MAPK10: variants seen among roughly 807,000 people sequenced by gnomAD.
MAPK10 encodes the protein mitogen-activated protein kinase 10.
MAPK10 carries 25 observed loss-of-function variants against 59.3 expected under a neutral mutation model. The ratio of observed to expected loss-of-function variants is 0.42; its 90% CI spans 0.31 to 0.59. The LOEUF (loss-of-function observed/expected upper bound fraction) is 0.59. Ranked by LOEUF, MAPK10 falls within the 20% of genes least tolerant of loss-of-function variation. The probability of loss-of-function intolerance (pLI) is 0.15; values close to 1 mark genes in which losing one functional copy is unlikely to be tolerated. For missense variants in MAPK10, 351 were observed against 568.9 expected (o/e 0.62, Z 3.90); for synonymous variants, 190 against 200.5 (o/e 0.95, Z 0.44).
upstream of MAPK10, among the ~76,000 whole-genome samples, chr4:86,363,928 G>A (rs545010580): frequency 1.2e-4 from 18 of 151,996 alleles, no homozygotes; most frequent in African/African-American, 2.7e-4. Flanking sequence ...GACTACAGGT[G>A]CCTGCCACTC....
rs979437444 is a variant in MAPK10 at position 86,344,292 on chromosome 4, A to C, written c.-7+10238T>G. 8.5e-5 allele frequency among the ~76,000 whole-genome samples: 13 copies of C among 152,104 alleles called. 1 individual carries two copies. Among genetic ancestry groups the C allele is most frequent in the Non-Finnish European group, 2.9e-5 (2 of 68,012 alleles). On this transcript the variant is annotated intron_variant, in intron 2 of 13. Coordinates refer to ENST00000641462, the MANE Select transcript of MAPK10 (RefSeq NM_138982.4). The stretch of plus-strand genomic sequence containing the variant: ...TAGGCACATGTCACCACACTCTGCT[A>C]ATTTTTTCGTAGAGTCAGTGTCTTG...
chr4:86,157,038 A>G (rs771749367), intron 4 of MAPK10, among the ~76,000 whole-genome samples: 5 of 152,054 alleles, frequency 3.3e-5, no homozygotes, highest in Non-Finnish European at 7.4e-5. Flanking sequence ...AATCATGCTC[A>G]ACATTGACAT....
At chr4:86,554,743 G>T (rs1258615923) in intron 1 of MAPK10, among the ~76,000 whole-genome samples, 1 of 151,972 alleles carries the variant, frequency 6.6e-6, no homozygotes, top group African/African-American at 2.4e-5. Context: ...AAACAAATAT[G>T]ATTACACCCT....
intron 1 of MAPK10, among the ~76,000 whole-genome samples, chr4:86,578,320 A>G (rs1762040581): frequency 6.6e-6 from 1 of 152,200 alleles, no homozygotes; most frequent in African/African-American, 2.4e-5. Context: ...TTGGTTAAGA[A>G]ATAATATCCA....
At chr4:86,566,842 G>A (rs1027498596) in intron 1 of MAPK10, among the ~76,000 whole-genome samples, 1 of 152,130 alleles carries the variant, frequency 6.6e-6, no homozygotes, top group African/African-American at 2.4e-5. Flanking sequence ...GGTCAAGGCT[G>A]GAGAATCACT....
At chr4:86,202,365 C>T (rs2082826286) in intron 2 of MAPK10, among the ~76,000 whole-genome samples, 1 of 151,786 alleles carries the variant, frequency 6.6e-6, no homozygotes, top group Admixed American at 6.6e-5. Flanking sequence ...TGTAACCATT[C>T]ATTTGTATGT....
intron 10 of MAPK10, chr4:86,064,636 C>T (rs2046371054): frequency 8.8e-6 from 4 of 455,262 alleles, no homozygotes; most frequent in Admixed American, 3.8e-5. Flanking sequence ...TTCACGCAAA[C>T]TTCTTAGTAA....
upstream of MAPK10, among the ~76,000 whole-genome samples, chr4:86,455,345 C>T (rs538348062): frequency 4.6e-5 from 7 of 152,182 alleles, no homozygotes; most frequent in African/African-American, 1.4e-4. Flanking sequence ...CACGGAATTG[C>T]AGAATGGATA....
chr4:86,364,822 A>C (rs1041204447), upstream of MAPK10, among the ~76,000 whole-genome samples: 1 of 152,020 alleles, frequency 6.6e-6, no homozygotes, highest in Non-Finnish European at 1.5e-5. Flanking sequence ...TCTACTAAAA[A>C]TACAAAAATT....
intron 2 of MAPK10, among the ~76,000 whole-genome samples, chr4:86,262,351 T>TA (rs140084778): frequency 0.056 from 8,593 of 152,176 alleles, 427 homozygotes; most frequent in African/African-American, 0.13. Flanking sequence ...TCCAGTACTA[T>TA]AAAAAATAAA....
At chr4:86,419,578 T>C (rs1746258147) in intron 1 of MAPK10, among the ~76,000 whole-genome samples, 1 of 152,190 alleles carries the variant, frequency 6.6e-6, no homozygotes, top group Admixed American at 6.5e-5. Flanking sequence ...AGTTGCTTCA[T>C]CACTTGGTAT....
At chr4:86,082,306 A>T (rs1450180447) in intron 9 of MAPK10, 1 of 152,166 alleles carries the variant, frequency 6.6e-6, no homozygotes, top group African/African-American at 2.4e-5. Context: ...CTATTTATTA[A>T]TCTTCTTCAA....
At chr4:86,130,566 G>T (rs59822525) in intron 4 of MAPK10, among the ~76,000 whole-genome samples, 1 of 152,058 alleles carries the variant, frequency 6.6e-6, no homozygotes, top group Admixed American at 6.6e-5. Flanking sequence ...TGGTCTAATC[G>T]CAAGAGCAAG....
At chr4:86,262,114 A>G (rs1450328492) in intron 2 of MAPK10, among the ~76,000 whole-genome samples, 1 of 152,204 alleles carries the variant, frequency 6.6e-6, no homozygotes, top group Non-Finnish European at 1.5e-5. Context: ...TGGAAACTTA[A>G]TTTTCAATGC....
At chr4:86,406,164 C>T (rs761514137) in intron 1 of MAPK10, among the ~76,000 whole-genome samples, 4 of 152,298 alleles carry the variant, frequency 2.6e-5, no homozygotes, top group South Asian at 2.1e-4. Context: ...CCTCGGCTTT[C>T]ACTATGGCAA....
At chr4:86,389,382 C>A (rs1564784629) in intron 1 of MAPK10, among the ~76,000 whole-genome samples, 1 of 152,106 alleles carries the variant, frequency 6.6e-6, no homozygotes, top group Non-Finnish European at 1.5e-5. Context: ...TGGATTAATA[C>A]AATATGATCT....
chr4:86,510,838 C>T (rs1756173305), intron 1 of MAPK10, among the ~76,000 whole-genome samples: 3 of 151,980 alleles, frequency 2.0e-5, no homozygotes, highest in Admixed American at 1.3e-4. Flanking sequence ...AAAAAATTGG[C>T]TCTCATGGAG....
chr4:86,330,156 T>C (rs974244112), intron 2 of MAPK10, among the ~76,000 whole-genome samples: 2 of 152,196 alleles, frequency 1.3e-5, no homozygotes, highest in African/African-American at 4.8e-5. Context: ...GAATAATCAA[T>C]GTCTTTCCAT....
intron 2 of MAPK10, among the ~76,000 whole-genome samples, chr4:86,345,083 G>A (rs1012282599): frequency 6.6e-6 from 1 of 152,146 alleles, no homozygotes; most frequent in Non-Finnish European, 1.5e-5. Context: ...TTGATTCAGA[G>A]TAAATAAGAA....
Sources: gnomAD v4.1 joint callset for allele counts (sites outside exome capture counted in the v4.1 genomes callset) on GRCh38, gnomAD v4.1.1 for gene constraint, MANE v1.5 for transcripts, NCBI Gene and HGNC (gene_info 2026-07-23, HGNC 2026-07-21) for gene names.